The following ZNF385C variants were observed in gnomAD, a reference collection of about 807,000 sequenced individuals.
ZNF385C encodes the protein zinc finger protein 385C.
Under a neutral mutation model 35.4 loss-of-function variants are expected in ZNF385C, and 28 were observed. That is an observed-to-expected ratio of 0.79 (90% confidence interval 0.59 to 1.08). The LOEUF is 1.08. Among genes scored for constraint, ZNF385C ranks in the 50% least tolerant of loss-of-function variants. The pLI, the probability that ZNF385C is intolerant of heterozygous loss-of-function variation, is 0.00. For missense variants in ZNF385C, 605 were observed against 595.6 expected (o/e 1.02, Z -0.16); for synonymous variants, 248 against 248.2 (o/e 1.00, Z 0.01).
chr17:42,055,853 C>G (rs1371076696), intron 2 of ZNF385C, among the ~76,000 whole-genome samples: 1 of 152,022 alleles, frequency 6.6e-6, no homozygotes, highest in Non-Finnish European at 1.5e-5. Context: ...ATGGAGGGAC[C>G]GATTCAAACA....
At chr17:42,040,256 A>G in intron 2 of ZNF385C, 1 of 1,231,582 alleles carries the variant, frequency 8.1e-7, no homozygotes, top group Non-Finnish European at 1.0e-6. Context: ...TCCAGGAAGG[A>G]TCCCCGGAGC....
At chr17:42,040,938 C>T in intron 2 of ZNF385C, 1 of 1,232,248 alleles carries the variant, frequency 8.1e-7, no homozygotes, top group Non-Finnish European at 1.0e-6. Flanking sequence ...GCCAGGCCAG[C>T]TTGGGTGCAG....
chr17:42,083,393 C>T (rs555364121), intron 1 of ZNF385C, among the ~76,000 whole-genome samples: 5 of 151,876 alleles, frequency 3.3e-5, no homozygotes, highest in South Asian at 4.2e-4. Flanking sequence ...TTGGTAGAGA[C>T]GGGGTTTCAC....
At chr17:42,083,359 C>T (rs1175134827) in intron 1 of ZNF385C, among the ~76,000 whole-genome samples, 4 of 151,786 alleles carry the variant, frequency 2.6e-5, no homozygotes, top group East Asian at 2.0e-4. Flanking sequence ...CCCGCCAACA[C>T]GCCCCCGCTA....
intron 1 of ZNF385C, among the ~76,000 whole-genome samples, chr17:42,074,422 C>T (rs1248617161): frequency 6.7e-6 from 1 of 149,474 alleles, no homozygotes; most frequent in African/African-American, 2.5e-5. Context: ...GACGGAGTCT[C>T]ACTCTGTCGC....
intron 2 of ZNF385C, chr17:42,043,448 G>C (rs981756404): frequency 5.7e-5 from 68 of 1,198,114 alleles, no homozygotes; most frequent in Non-Finnish European, 7.1e-5. Flanking sequence ...CCCACACACA[G>C]GCACCTCCCT....
At chr17:42,094,110 A>G (rs2053892718) in intron 1 of ZNF385C, among the ~76,000 whole-genome samples, 1 of 151,914 alleles carries the variant, frequency 6.6e-6, no homozygotes, top group Non-Finnish European at 1.5e-5. Context: ...CAATCTCCCA[A>G]GTAGCTGAGA....
intron 2 of ZNF385C, among the ~76,000 whole-genome samples, chr17:42,042,632 C>G (rs2053052235): frequency 6.6e-6 from 1 of 152,214 alleles, no homozygotes; most frequent in Non-Finnish European, 1.5e-5. Context: ...GCTAAGAGGC[C>G]TGGTCTGGCC....
At chr17:42,054,797 A>T (rs1268858184) in intron 2 of ZNF385C, among the ~76,000 whole-genome samples, 1 of 151,802 alleles carries the variant, frequency 6.6e-6, no homozygotes, top group Admixed American at 6.6e-5. Context: ...GGCTAGGGTG[A>T]TCTCGAACTC....
chr17:42,034,359 A>C, intron 3 of ZNF385C, 24 bp from the exon 4 acceptor site: 1 of 1,537,180 alleles, frequency 6.5e-7, no homozygotes, highest in Non-Finnish European at 8.8e-7. Flanking sequence ...GGGAGGGCAT[A>C]ATAACTCTGG....
intron 2 of ZNF385C, among the ~76,000 whole-genome samples, chr17:42,045,296 C>T (rs1321469583): frequency 6.6e-6 from 1 of 152,202 alleles, no homozygotes. Flanking sequence ...TGTGATCCGC[C>T]CGTCTCGGCC....
chr17:42,030,707 G>C (rs184278932), intron 5 of ZNF385C, among the ~76,000 whole-genome samples: 27 of 152,204 alleles, frequency 1.8e-4, no homozygotes, highest in Admixed American at 1.8e-3. Context: ...TTGGAAACAG[G>C]GTCTTTGAAG....
At chr17:42,045,291 T>C (rs2053134216) in intron 2 of ZNF385C, among the ~76,000 whole-genome samples, 1 of 152,194 alleles carries the variant, frequency 6.6e-6, no homozygotes, top group South Asian at 2.1e-4. Context: ...GACCTTGTGA[T>C]CCGCCCGTCT....
intron 2 of ZNF385C, chr17:42,040,850 G>T: frequency 8.1e-7 from 1 of 1,232,354 alleles, no homozygotes; most frequent in East Asian, 3.2e-5. Context: ...AGACAATGCA[G>T]CTCTGCCAGC....
intron 1 of ZNF385C, among the ~76,000 whole-genome samples, chr17:42,078,051 T>C (rs1266230513): frequency 1.3e-5 from 2 of 152,184 alleles, no homozygotes; most frequent in Non-Finnish European, 2.9e-5. Context: ...ACCGGGACAG[T>C]TGTCCTTCAC....
At chr17:42,075,345 C>G (rs1242805546) in intron 1 of ZNF385C, among the ~76,000 whole-genome samples, 1 of 152,132 alleles carries the variant, frequency 6.6e-6, no homozygotes, top group East Asian at 1.9e-4. Flanking sequence ...CGCTCCTCCC[C>G]CAGGGTAGTT....
At chr17:42,083,999 G>A (rs566107019) in intron 1 of ZNF385C, among the ~76,000 whole-genome samples, 1 of 152,052 alleles carries the variant, frequency 6.6e-6, no homozygotes, top group East Asian at 1.9e-4. Flanking sequence ...GATGGCAGGC[G>A]TGAGCCACCA....
In ZNF385C at chr17:42,026,689, A is replaced by T. The variant is rs548122540; in HGVS notation, c.*208T>A. 3 of 611,144 alleles carry T rather than the reference A, an allele frequency of 4.9e-6. 1 individual carries two copies. In the South Asian group the frequency reaches 5.9e-5, roughly 12 times the overall value. 37.9% of individuals were successfully genotyped at this position (611,144 alleles called of 1,614,324 possible). On this transcript the variant is annotated 3_prime_UTR_variant, in exon 9 of 9. Coordinates refer to ENST00000692273, the MANE Select transcript of ZNF385C (RefSeq NM_001392013.1). ...CAGGGTGGGAAATGCAGGCAAGCCT[A>T]GGATTAACCCTGGAAGGCCTGCGAA...
At chr17:42,072,966 C>T (rs573745071) in intron 1 of ZNF385C, among the ~76,000 whole-genome samples, 14 of 152,326 alleles carry the variant, frequency 9.2e-5, no homozygotes, top group African/African-American at 3.1e-4. Context: ...GCACCACCTT[C>T]CGCCCCCGGC....
Sources: gnomAD v4.1 joint callset for allele counts (sites outside exome capture counted in the v4.1 genomes callset) on GRCh38, gnomAD v4.1.1 for gene constraint, MANE v1.5 for transcripts, NCBI Gene and HGNC (gene_info 2026-07-23, HGNC 2026-07-21) for gene names.